ARHGEF28: variants seen among roughly 807,000 people sequenced by gnomAD.
ARHGEF28 encodes the protein Rho guanine nucleotide exchange factor 28.
Under a neutral mutation model 206.6 loss-of-function variants are expected in ARHGEF28, and 152 were observed. The observed-to-expected ratio is 0.74, with a 90% CI of 0.64 to 0.84. The LOEUF (loss-of-function observed/expected upper bound fraction) is 0.84. Ranked by LOEUF, ARHGEF28 falls within the 40% of genes least tolerant of loss-of-function variation. The pLI is 0.00. For synonymous variants in ARHGEF28, 763 were observed against 776.4 expected, an observed-to-expected ratio of 0.98 and a Z score of 0.29; for missense variants, 2,028 against 2,073.2, an observed-to-expected ratio of 0.98 and a Z score of 0.42.
chr5:73,662,847 C>T (rs370357914), intron 1 of ARHGEF28, among the ~76,000 whole-genome samples: 1 of 152,190 alleles, frequency 6.6e-6, no homozygotes, highest in Non-Finnish European at 1.5e-5. Context: ...GTGAGGAATA[C>T]TCTTTCTGGA....
chr5:73,655,670 C>T lies in ARHGEF28; in HGVS notation c.-11-29171C>T, dbSNP rs944428625. On this transcript the variant is annotated intron_variant, in intron 1 of 35. Coordinates refer to ENST00000513042, the MANE Select transcript of ARHGEF28 (RefSeq NM_001177693.2). ...TCTTTTCCCTGTGGCAGTATTTACA[C>T]ATTGAGAAACCAAGTCACGAGGCAC... Among the ~76,000 whole-genome samples the T allele has an allele frequency of 5.9e-5, 9 of 152,310 alleles. No homozygotes were observed. The South Asian group carries it at 1.7e-3, about 28-fold the overall frequency.
rs1388788585 is a variant in ARHGEF28 at position 73,893,242 on chromosome 5, CAA to C, written c.3613_3614del (p.Lys1205GlufsTer4). On this transcript the variant is annotated frameshift_variant, in exon 28 of 36. Transcript: ENST00000513042. LOFTEE classifies it high-confidence loss of function. ...GAAGGACAAGTGAATCTGATGAAGA[CAA>C]GAGGAAAGCTGAAGCCAGAGTGGCC... ...GGRTSESDED[K>X]RKAEARVAKI... is the part of the protein sequence containing the mutation. 11 of 1,559,958 alleles carry C rather than the reference CAA, an allele frequency of 7.1e-6. No individual in the cohort carries two copies. The Admixed American group carries it at 1.7e-4, about 25-fold the overall frequency.
chr5:73,790,581 A>C (rs1280775570), intron 7 of ARHGEF28, among the ~76,000 whole-genome samples: 1 of 151,728 alleles, frequency 6.6e-6, no homozygotes, highest in Admixed American at 6.6e-5. Context: ...GATAAGTCTC[A>C]TTTTGATATT....
At position 73,904,321 on chromosome 5, in the gene ARHGEF28, T is replaced by C. The variant is rs1239379955; in HGVS notation, c.4114-37T>C. On this transcript the variant is annotated intron_variant, in intron 32 of 35. Coordinates refer to ENST00000513042, the MANE Select transcript of ARHGEF28 (RefSeq NM_001177693.2). ...CCTTTATTTGTGGATAATGAAAGCTTTTTCAAGAATTTGACACTTACAATT... is the reference window on the plus strand; with the variant it reads ...CCTTTATTTGTGGATAATGAAAGCTCTTTCAAGAATTTGACACTTACAATT... 5.0e-6 allele frequency: 8 copies of C among 1,612,752 alleles called. No homozygotes were observed. The East Asian group carries it at 1.8e-4, about 36-fold the overall frequency.
rs59179391 is a variant in ARHGEF28, at chr5:73,834,306, G to C, written c.1146+1847G>C. ...GAACTTATTCATTGTGTAACTGAAA[G>C]TTTGTACCCTTCGACTAACACTTCA... On this transcript the variant is annotated intron_variant, in intron 10 of 35. Transcript: ENST00000513042. 5.9e-3 allele frequency among the ~76,000 whole-genome samples: 897 copies of C among 152,246 alleles called. 5 individuals carry two copies. The highest frequency in any genetic ancestry group is 0.02 in the African/African-American group (848 of 41,552).
At position 73,858,166 on chromosome 5, in the gene ARHGEF28, A is replaced by C; in HGVS notation, c.1994A>C (p.Gln665Pro). 6.2e-7 allele frequency: 1 copy of C among 1,611,888 alleles called. No homozygotes were observed. Among genetic ancestry groups the C allele is most frequent in the East Asian group, 2.2e-5 (1 of 44,850 alleles). The change falls in exon 16 of 36, where the codon CAG becomes CCG. Residue 665 changes from glutamine to proline, a missense_variant. By Grantham distance (76) the Gln-to-Pro change is moderately conservative. Transcript: ENST00000513042. ...FAPGTFSGVL[Q>P]CLVCDKTLLG... ...CCAGGAACATTCTCTGGGGTTCTGC[A>C]GTGTTTGGTTTGTGATAAAACACTC...
At chr5:73,822,636 C>T (rs1389123089) in intron 9 of ARHGEF28, among the ~76,000 whole-genome samples, 1 of 152,016 alleles carries the variant, frequency 6.6e-6, no homozygotes, top group Non-Finnish European at 1.5e-5. Context: ...TCCTGCCCAC[C>T]CCATTTTTTT....
At chr5:73,865,386 G>A (rs558234484) in intron 17 of ARHGEF28, among the ~76,000 whole-genome samples, 13 of 152,306 alleles carry the variant, frequency 8.5e-5, no homozygotes, top group African/African-American at 2.9e-4. Context: ...AGTTGGGAAT[G>A]GGCTGGAGTA....
rs571965117 is a variant in ARHGEF28, at chr5:73,790,142, G to A, written c.911-4260G>A. On this transcript the variant is annotated intron_variant, in intron 7 of 35. Coordinates refer to ENST00000513042, the MANE Select transcript of ARHGEF28 (RefSeq NM_001177693.2). The stretch of plus-strand genomic sequence containing the variant: ...ATTGAACTCTATTCAGACAAAAAGA[G>A]CAATGGAAAAAGATCCTTTTGCCCT... Among the ~76,000 whole-genome samples, 27 of 151,982 alleles carry A rather than the reference G, an allele frequency of 1.8e-4. No homozygotes were observed. The South Asian group carries it at 5.0e-3, about 28-fold the overall frequency.
At chr5:73,802,870 CTGTG>C (rs561505395) in intron 9 of ARHGEF28, among the ~76,000 whole-genome samples, 8,900 of 121,894 alleles carry the variant, frequency 0.073, 314 homozygotes, top group Middle Eastern at 0.096. Context: ...AGCTCGATTG[CTGTG>C]TGTGTGTGTG....
intron 1 of ARHGEF28, among the ~76,000 whole-genome samples, chr5:73,633,074 T>A (rs935953568): frequency 6.6e-6 from 1 of 152,066 alleles, no homozygotes; most frequent in African/African-American, 2.4e-5. Flanking sequence ...GTCCCCAACC[T>A]AGATCCCTTG....
intron 26 of ARHGEF28, among the ~76,000 whole-genome samples, chr5:73,888,327 A>G (rs1761426530): frequency 6.6e-6 from 1 of 152,252 alleles, no homozygotes; most frequent in Non-Finnish European, 1.5e-5. Flanking sequence ...TAGCATATAG[A>G]TAATAAGAAG....
intron 16 of ARHGEF28, among the ~76,000 whole-genome samples, chr5:73,861,433 C>T (rs963838638): frequency 6.6e-6 from 1 of 152,086 alleles, no homozygotes; most frequent in African/African-American, 2.4e-5. Flanking sequence ...TAATGGAGTT[C>T]CTTATAACCA....
intron 11 of ARHGEF28, among the ~76,000 whole-genome samples, chr5:73,844,636 C>T (rs1758190818): frequency 8.2e-6 from 1 of 121,706 alleles, no homozygotes; most frequent in Admixed American, 8.5e-5. Context: ...AAAAAAAAGC[C>T]TATGTTTTTT....
rs566859095 is a variant in ARHGEF28, at chr5:73,838,784, A to G, written c.1147-1696A>G. Reference sequence around the variant, plus strand: ...CATGGATAGTTTCTTACGTAAGCACAGTACAGTTACCAAAATCATAAAATT... The same window carrying G: ...CATGGATAGTTTCTTACGTAAGCACGGTACAGTTACCAAAATCATAAAATT... On this transcript the variant is annotated intron_variant, in intron 10 of 35. Coordinates refer to ENST00000513042, the MANE Select transcript of ARHGEF28 (RefSeq NM_001177693.2). Among the ~76,000 whole-genome samples, 3 of 152,338 alleles carry G rather than the reference A, an allele frequency of 2.0e-5. No homozygotes were observed. The East Asian group carries it at 5.8e-4, about 29-fold the overall frequency.
intron 2 of ARHGEF28, among the ~76,000 whole-genome samples, chr5:73,685,621 T>TTTTA (rs1221133524): frequency 2.0e-5 from 3 of 151,988 alleles, no homozygotes; most frequent in Non-Finnish European, 2.9e-5. Flanking sequence ...TTTTTTTATT[T>TTTTA]TTTATTTATT....
intron 35 of ARHGEF28, among the ~76,000 whole-genome samples, chr5:73,914,455 G>A (rs1763093045): frequency 7.1e-6 from 1 of 140,312 alleles, no homozygotes; most frequent in African/African-American, 2.7e-5. Flanking sequence ...GGAGTGCAGT[G>A]GTAATATCTT....
At chr5:73,936,071 T>G (rs929226835) in intron 35 of ARHGEF28, among the ~76,000 whole-genome samples, 7 of 152,176 alleles carry the variant, frequency 4.6e-5, no homozygotes, top group African/African-American at 1.7e-4. Flanking sequence ...AAACTTTCAT[T>G]TAACAATGAT....
At position 73,804,082 on chromosome 5, in the gene ARHGEF28, CAAAAAAA is replaced by C. The variant is rs35722039; in HGVS notation, c.1024+8710_1024+8716del. On this transcript the variant is annotated intron_variant, in intron 9 of 35. Transcript: ENST00000513042. ...CCTGGATGACAGAGTGAGACCCTGT[CAAAAAAA>C]AAAAAAAAAAAAAAAAAAGAAAGAG... Among the ~76,000 whole-genome samples the C allele has an allele frequency of 6.2e-4, 40 of 64,306 alleles. 1 individual carries two copies. Among genetic ancestry groups the C allele is most frequent in the African/African-American group, 8.3e-4 (12 of 14,462 alleles). The allele number at this position is 64,306 out of a possible 152,430, so 42.2% of individuals were successfully genotyped here.
Sources: gnomAD v4.1 joint callset for allele counts (sites outside exome capture counted in the v4.1 genomes callset) on GRCh38, gnomAD v4.1.1 for gene constraint, MANE v1.5 for transcripts, NCBI Gene and HGNC (gene_info 2026-07-23, HGNC 2026-07-21) for gene names.